COBL: variants seen among roughly 807,000 people sequenced by gnomAD.
COBL encodes the protein protein cordon-bleu.
COBL carries 51 observed loss-of-function variants against 98.8 expected under a neutral mutation model. The observed-to-expected ratio is 0.52, with a 90% CI of 0.41 to 0.65. The LOEUF (loss-of-function observed/expected upper bound fraction) is 0.65. COBL is among the 30% of genes least tolerant of loss of function. The pLI is 0.00. For missense variants in COBL, 1,617 were observed against 1,617.5 expected (o/e 1.00, Z 0.01); for synonymous variants, 634 against 651.7 (o/e 0.97, Z 0.41).
intron 6 of COBL, among the ~76,000 whole-genome samples, chr7:51,091,905 C>T (rs1451364882): frequency 6.6e-6 from 1 of 152,156 alleles, no homozygotes; most frequent in East Asian, 1.9e-4. Context: ...AAAAAAAACG[C>T]CACCTGCCAA....
At chr7:51,107,103 T>G (rs890321877) in intron 6 of COBL, among the ~76,000 whole-genome samples, 4 of 147,194 alleles carry the variant, frequency 2.7e-5, no homozygotes, top group African/African-American at 1.0e-4. Context: ...TTTTTTTTTT[T>G]TTTTTTTTTG....
At chr7:51,194,514 T>C (rs1252330637) in intron 2 of COBL, among the ~76,000 whole-genome samples, 2 of 152,218 alleles carry the variant, frequency 1.3e-5, no homozygotes, top group African/African-American at 2.4e-5. Context: ...GTTCTGCTTT[T>C]AGGTCTTGGA....
chr7:51,093,156 T>C (rs919490815), intron 6 of COBL, among the ~76,000 whole-genome samples: 2 of 152,082 alleles, frequency 1.3e-5, no homozygotes, highest in East Asian at 1.9e-4. Flanking sequence ...AACCAAAATA[T>C]GTAAGAAACT....
chr7:51,229,284 C>T (rs1044510698), intron 1 of COBL, among the ~76,000 whole-genome samples: 3 of 152,224 alleles, frequency 2.0e-5, no homozygotes, highest in Admixed American at 6.5e-5. Context: ...CCCGCGGTGC[C>T]GGCGCCTGTA....
intron 9 of COBL, 59 bp downstream of exon 9, chr7:51,030,753 C>T (rs973261828): frequency 6.6e-6 from 7 of 1,066,440 alleles, no homozygotes; most frequent in Non-Finnish European, 1.0e-5. Flanking sequence ...GAGGAAGTTA[C>T]TGTTGGCACC....
chr7:51,219,061 A>C (rs1793363027), intron 2 of COBL, among the ~76,000 whole-genome samples: 1 of 152,214 alleles, frequency 6.6e-6, no homozygotes, highest in African/African-American at 2.4e-5. Flanking sequence ...AAAATGTGCA[A>C]ATCTATTGGT....
At chr7:51,062,963 C>T (rs565402430) in intron 7 of COBL, among the ~76,000 whole-genome samples, 9 of 152,188 alleles carry the variant, frequency 5.9e-5, no homozygotes, top group South Asian at 2.1e-4. Flanking sequence ...AACAGTGAGA[C>T]GCTCTGCACT....
At chr7:51,157,377 A>C (rs987702679) in intron 5 of COBL, among the ~76,000 whole-genome samples, 1 of 152,208 alleles carries the variant, frequency 6.6e-6, no homozygotes, top group African/African-American at 2.4e-5. Flanking sequence ...CGCCTCAAAA[A>C]AAATAAACAA....
chr7:51,158,118 C>T (rs1391523405), intron 5 of COBL, among the ~76,000 whole-genome samples: 1 of 152,166 alleles, frequency 6.6e-6, no homozygotes, highest in East Asian at 1.9e-4. Context: ...AACAAAAAGA[C>T]AATGCAGCAA....
intron 6 of COBL, among the ~76,000 whole-genome samples, chr7:51,087,023 A>C (rs751181486): frequency 1.1e-4 from 17 of 151,922 alleles, no homozygotes; most frequent in Non-Finnish European, 2.1e-4. Context: ...CTAAATAAGA[A>C]GCTTATTGTA....
At chr7:51,136,355 A>C (rs374998939) in intron 5 of COBL, 24 bp from the exon 6 acceptor site, 5 of 1,599,642 alleles carry the variant, frequency 3.1e-6, no homozygotes, top group Non-Finnish European at 4.3e-6. Context: ...GACAAACAGA[A>C]AACCAAATCA....
chr7:51,217,081 TA>T (rs1793122527), intron 2 of COBL, among the ~76,000 whole-genome samples: 1 of 152,224 alleles, frequency 6.6e-6, no homozygotes. Flanking sequence ...GAAGGGATAA[TA>T]ATTCACTACT....
At chr7:51,187,008 C>T (rs553275511) in intron 4 of COBL, among the ~76,000 whole-genome samples, 1 of 152,276 alleles carries the variant, frequency 6.6e-6, no homozygotes, top group Non-Finnish European at 1.5e-5. Context: ...TTTGAATTTA[C>T]TCTAATTTAC....
chr7:51,232,745 A>G (rs1794879003), intron 1 of COBL, among the ~76,000 whole-genome samples: 1 of 152,108 alleles, frequency 6.6e-6, no homozygotes. Context: ...TGGGAGACGG[A>G]GGTTGCAGTG....
intron 6 of COBL, among the ~76,000 whole-genome samples, chr7:51,089,246 A>G (rs775022942): frequency 2.6e-5 from 4 of 151,918 alleles, no homozygotes; most frequent in African/African-American, 4.8e-5. Flanking sequence ...GGGCACAGTG[A>G]CTCATGCCTG....
At chr7:51,046,060 G>T (rs1297600640) in intron 7 of COBL, among the ~76,000 whole-genome samples, 1 of 119,320 alleles carries the variant, frequency 8.4e-6, no homozygotes, top group South Asian at 2.6e-4. Flanking sequence ...AGAAGCAGGT[G>T]GGGGTGGGGG....
chr7:51,241,600 ACT>A (rs1023720172), intron 1 of COBL, among the ~76,000 whole-genome samples: 11 of 152,216 alleles, frequency 7.2e-5, no homozygotes, highest in Non-Finnish European at 1.2e-4. Flanking sequence ...AATAAAAGTC[ACT>A]GTCATTGGAA....
Position 51,028,808 on chromosome 7 carries a change from G to C in COBL, c.2288C>G (p.Pro763Arg). 6.2e-7 allele frequency: 1 copy of C among 1,614,184 alleles called. No homozygotes were observed. Among genetic ancestry groups the C allele is most frequent in the Non-Finnish European group, 8.5e-7 (1 of 1,180,034 alleles). The change falls in exon 10 of 13, where the codon CCC (proline) becomes CGC (arginine). Residue 763 changes from proline (P) to arginine (R), a missense_variant. This residue lies in a region of COBL where 1,304 missense variants were observed against 1,282.0 expected (regional missense o/e 1.02). Coordinates refer to ENST00000265136, the MANE Select transcript of COBL (RefSeq NM_015198.5). ...SSSVPEAESQ[P>R]IGKVREFWRC... ...CCAGAACTCTCTGACTTTCCCAATG[G>C]GCTGAGATTCTGCTTCAGGCACAGA...
At position 51,316,674 on chromosome 7, in the gene COBL, C is replaced by A; in HGVS notation, c.-41G>T. The A allele has an allele frequency of 8.4e-7, 1 of 1,186,066 alleles. No homozygotes were observed. Among genetic ancestry groups the A allele is most frequent in the South Asian group, 4.2e-5 (1 of 23,940 alleles). 73.5% of individuals were successfully genotyped at this position (1,186,066 alleles called of 1,614,324 possible). A position where few individuals can be genotyped will look rare whatever the true frequency, so the allele number is the denominator to read the frequency against. On this transcript the variant is annotated 5_prime_UTR_variant, in exon 1 of 13. Coordinates refer to ENST00000265136, the MANE Select transcript of COBL (RefSeq NM_015198.5). ...GACGCGGGCGGTGCTCCGGGCCCGCCGAGTCAGGCGCTGGCTACCGCCGCC... is the reference window on the plus strand; with the variant it reads ...GACGCGGGCGGTGCTCCGGGCCCGCAGAGTCAGGCGCTGGCTACCGCCGCC...
Sources: allele counts gnomAD v4.1 joint callset (sites outside exome capture counted in the v4.1 genomes callset), GRCh38; gene constraint gnomAD v4.1.1; regional missense constraint gnomAD v4.1.1; transcripts MANE v1.5; gene names NCBI Gene and HGNC (gene_info 2026-07-23, HGNC 2026-07-21).